Variants in SCFD2 observed in about 807,000 individuals in gnomAD.
SCFD2 encodes sec1 family domain-containing protein 2.
SCFD2 carries 54 observed loss-of-function variants against 58.9 expected under a neutral mutation model. The ratio of observed to expected loss-of-function variants is 0.92; its 90% CI spans 0.74 to 1.15. The LOEUF (loss-of-function observed/expected upper bound fraction) is 1.15. SCFD2 is among the 50% of genes most tolerant of loss of function. The probability of loss-of-function intolerance (pLI) is 0.00; values close to 1 mark genes in which losing one functional copy is unlikely to be tolerated. For synonymous variants in SCFD2, 321 were observed against 335.9 expected (o/e 0.96, Z 0.49); for missense variants, 805 against 836.6 (o/e 0.96, Z 0.47).
chr4:53,204,037 TA>T (rs1728333114), intron 4 of SCFD2, among the ~76,000 whole-genome samples: 1 of 152,130 alleles, frequency 6.6e-6, no homozygotes, highest in African/African-American at 2.4e-5. Flanking sequence ...CTATTCCATG[TA>T]GGAAACTGGA....
At chr4:53,086,193 T>G (rs1279442251) in intron 5 of SCFD2, among the ~76,000 whole-genome samples, 1 of 152,076 alleles carries the variant, frequency 6.6e-6, no homozygotes, top group African/African-American at 2.4e-5. Flanking sequence ...GAAAAAAATC[T>G]AATAATCTGA....
At chr4:53,232,018 CAT>C (rs1273828828) in intron 4 of SCFD2, among the ~76,000 whole-genome samples, 1 of 152,032 alleles carries the variant, frequency 6.6e-6, no homozygotes, top group African/African-American at 2.4e-5. Flanking sequence ...TAGTGGGTAT[CAT>C]ATATTCAATA....
intron 5 of SCFD2, among the ~76,000 whole-genome samples, chr4:52,988,167 C>T (rs1178916089): frequency 6.6e-6 from 1 of 152,190 alleles, no homozygotes; most frequent in Non-Finnish European, 1.5e-5. Context: ...CCGTCATCAA[C>T]TGCAGCACAC....
intron 5 of SCFD2, among the ~76,000 whole-genome samples, chr4:52,972,992 G>A (rs1217265046): frequency 1.1e-4 from 17 of 152,086 alleles, no homozygotes; most frequent in South Asian, 2.1e-4. Context: ...ACAACATACC[G>A]GAATCTCTGG....
At chr4:53,025,871 T>C (rs1181050380) in intron 5 of SCFD2, among the ~76,000 whole-genome samples, 1 of 152,202 alleles carries the variant, frequency 6.6e-6, no homozygotes, top group Non-Finnish European at 1.5e-5. Context: ...TAAATACATG[T>C]ATAAAACTAA....
chr4:52,903,648 G>C (rs975217352), intron 7 of SCFD2, among the ~76,000 whole-genome samples: 3 of 152,202 alleles, frequency 2.0e-5, no homozygotes, highest in Admixed American at 6.5e-5. Context: ...GATTCTCACA[G>C]TGATAGCTCT....
chr4:53,196,233 G>A (rs187544326), intron 4 of SCFD2, among the ~76,000 whole-genome samples: 4 of 152,186 alleles, frequency 2.6e-5, no homozygotes, highest in Admixed American at 2.6e-4. Context: ...TTGAAAGTAG[G>A]TGGTCTGGTT....
At chr4:53,220,528 T>A (rs1271193268) in intron 4 of SCFD2, among the ~76,000 whole-genome samples, 3 of 152,198 alleles carry the variant, frequency 2.0e-5, no homozygotes, top group African/African-American at 7.2e-5. Context: ...ATTTAACAAT[T>A]TATCATAAAT....
chr4:52,881,220 C>T (rs1201208236), intron 8 of SCFD2, among the ~76,000 whole-genome samples: 1 of 152,220 alleles, frequency 6.6e-6, no homozygotes, highest in Non-Finnish European at 1.5e-5. Context: ...ATTCTTGCCA[C>T]TTTTTGTGAA....
intron 3 of SCFD2, among the ~76,000 whole-genome samples, chr4:53,312,717 A>G (rs1244565811): frequency 6.6e-6 from 1 of 152,156 alleles, no homozygotes; most frequent in East Asian, 1.9e-4. Context: ...CCCATGTGTA[A>G]TCAAGAACTT....
Position 53,072,447 on chromosome 4 carries a change from G to A in SCFD2, c.1561+72886C>T, listed in dbSNP as rs534621356. 6.6e-5 allele frequency among the ~76,000 whole-genome samples: 10 copies of A among 152,124 alleles called. No homozygotes were observed. In the South Asian group the frequency reaches 2.1e-3, roughly 32 times the overall value. On this transcript the variant is annotated intron_variant, in intron 5 of 8. Coordinates refer to ENST00000401642, the MANE Select transcript of SCFD2 (RefSeq NM_152540.4). Reference sequence around the variant, plus strand: ...TTAGCAGCTGTGCCAACAGAAACGGGCTACCTGGGGTTCAAGTATGTTCAA... The same window carrying A: ...TTAGCAGCTGTGCCAACAGAAACGGACTACCTGGGGTTCAAGTATGTTCAA...
At chr4:53,010,854 C>A (rs1722078311) in intron 5 of SCFD2, among the ~76,000 whole-genome samples, 1 of 152,124 alleles carries the variant, frequency 6.6e-6, no homozygotes, top group South Asian at 2.1e-4. Context: ...AAATACATAG[C>A]AGCAGGTAGT....
At chr4:53,150,039 T>G (rs1489723949) in intron 4 of SCFD2, among the ~76,000 whole-genome samples, 1 of 152,236 alleles carries the variant, frequency 6.6e-6, no homozygotes, top group East Asian at 1.9e-4. Context: ...TTATAGTTAA[T>G]GTACCCATGT....
intron 4 of SCFD2, among the ~76,000 whole-genome samples, chr4:53,170,347 G>C (rs1727143958): frequency 6.6e-6 from 1 of 152,116 alleles, no homozygotes; most frequent in Non-Finnish European, 1.5e-5. Flanking sequence ...TTCTGAAAAT[G>C]CATTGGTTCA....
chr4:52,939,985 G>T (rs946103244), intron 5 of SCFD2, among the ~76,000 whole-genome samples: 4 of 152,230 alleles, frequency 2.6e-5, no homozygotes, highest in African/African-American at 9.6e-5. Flanking sequence ...AGCCCAGCTG[G>T]CTTAGGAATT....
intron 4 of SCFD2, among the ~76,000 whole-genome samples, chr4:53,251,947 CCT>C (rs1730401132): frequency 6.6e-6 from 1 of 151,948 alleles, no homozygotes; most frequent in African/African-American, 2.4e-5. Flanking sequence ...TCAAATTGTC[CCT>C]GTTTGCAGAC....
chr4:52,911,644 C>A (rs1719488859), intron 6 of SCFD2, among the ~76,000 whole-genome samples: 3 of 152,110 alleles, frequency 2.0e-5, no homozygotes, highest in Admixed American at 2.0e-4. Flanking sequence ...TTATTAATTG[C>A]CTGACCTACC....
chr4:53,296,039 C>T (rs1732017925), intron 3 of SCFD2, among the ~76,000 whole-genome samples: 1 of 152,120 alleles, frequency 6.6e-6, no homozygotes, highest in African/African-American at 2.4e-5. Context: ...TTCGGTTTCC[C>T]AGTATTTTAT....
chr4:52,923,510 A>AAATAAATAAATAAATG (rs1553908978), intron 5 of SCFD2, among the ~76,000 whole-genome samples: 1 of 150,720 alleles, frequency 6.6e-6, no homozygotes, highest in Non-Finnish European at 1.5e-5. Context: ...ATAAATAAAT[A>AAATAAATAAATAAATG]AATAAATGTG....
Sources: gnomAD v4.1 joint callset for allele counts (sites outside exome capture counted in the v4.1 genomes callset) on GRCh38, gnomAD v4.1.1 for gene constraint, MANE v1.5 for transcripts, NCBI Gene and HGNC (gene_info 2026-07-23, HGNC 2026-07-21) for gene names.